Variants in PARG observed in about 807,000 individuals in gnomAD.
PARG encodes poly(ADP-ribose) glycohydrolase.
PARG carries 35 observed loss-of-function variants against 113.0 expected under a neutral mutation model. The ratio of observed to expected loss-of-function variants is 0.31; its 90% CI spans 0.24 to 0.41. The LOEUF is 0.41. Ranked by LOEUF, PARG falls within the 10% of genes least tolerant of loss-of-function variation. PARG has a pLI of 1.00. For missense variants in PARG, 797 were observed against 1,169.4 expected, an observed-to-expected ratio of 0.68 and a Z score of 4.64; for synonymous variants, 330 against 409.9, an observed-to-expected ratio of 0.81 and a Z score of 2.36.
intron 16 of PARG, among the ~76,000 whole-genome samples, chr10:49,830,203 T>C (rs1451265420): frequency 6.6e-6 from 1 of 152,228 alleles, no homozygotes; most frequent in African/African-American, 2.4e-5. Flanking sequence ...CTTTCCAAAC[T>C]GTCTATCACA....
chr10:49,888,633 A>C (rs2941168), intron 7 of PARG, among the ~76,000 whole-genome samples: 1 of 152,104 alleles, frequency 6.6e-6, no homozygotes, highest in Non-Finnish European at 1.5e-5. Context: ...TTCTCTCTTG[A>C]TGCTTTCAAG....
chr10:49,937,788 G>A (rs1406511331), intron 1 of PARG, among the ~76,000 whole-genome samples: 1 of 152,144 alleles, frequency 6.6e-6, no homozygotes, highest in Non-Finnish European at 1.5e-5. Flanking sequence ...TGAAGCCTGG[G>A]GAAGGGATGA....
At chr10:49,936,606 G>C (rs1176727801) in intron 1 of PARG, among the ~76,000 whole-genome samples, 1 of 152,136 alleles carries the variant, frequency 6.6e-6, no homozygotes, top group East Asian at 1.9e-4. Flanking sequence ...GGGATTAAAT[G>C]TACATCATAT....
intron 7 of PARG, among the ~76,000 whole-genome samples, chr10:49,896,215 G>A (rs1459147185): frequency 6.6e-6 from 1 of 152,176 alleles, no homozygotes; most frequent in African/African-American, 2.4e-5. Flanking sequence ...CATGATTTTA[G>A]TAGTAGGTTT....
At position 49,873,578 on chromosome 10, in the gene PARG, C is replaced by A. The variant is rs1382928171; in HGVS notation, c.1989-4023G>T. ...TGAACCTTATCAGTAGAGAGGCTTC[C>A]CTACCTAGAAAATTCCATAGACAGA... On this transcript the variant is annotated intron_variant, in intron 9 of 17. Coordinates refer to ENST00000616448, the MANE Select transcript of PARG (RefSeq NM_003631.5). Among the ~76,000 whole-genome samples the A allele has an allele frequency of 2.8e-5, 4 of 141,818 alleles. No individual in the cohort carries two copies. In the Admixed American group the frequency reaches 2.9e-4, roughly 10 times the overall value. 93.0% of individuals were successfully genotyped at this position (141,818 alleles called of 152,430 possible). A position where few individuals can be genotyped will look rare whatever the true frequency, so the allele number is the denominator to read the frequency against.
At chr10:49,887,028 T>C (rs1352852874) in intron 7 of PARG, among the ~76,000 whole-genome samples, 7 of 151,808 alleles carry the variant, frequency 4.6e-5, no homozygotes, top group African/African-American at 1.2e-4. Flanking sequence ...ATATTCAAAC[T>C]CTTCCTGTTT....
At chr10:49,906,508 T>C (rs1848599483) in intron 7 of PARG, among the ~76,000 whole-genome samples, 1 of 152,146 alleles carries the variant, frequency 6.6e-6, no homozygotes, top group African/African-American at 2.4e-5. Context: ...CTTTCCTAGG[T>C]GCTATGTCAA....
chr10:49,934,088 T>C lies in PARG; in HGVS notation c.360A>G (p.Gln120=). ...MSSVQKDNFY[Q]HNVEKLENVS... ...CATTTTCTAATTTTTCTACATTATG[T>C]TGGTAAAAGTTATCTTTTTGTACAG... The change falls in exon 3 of 18, where the codon CAA becomes CAG. Residue 120 remains glutamine, a synonymous_variant. Coordinates refer to ENST00000616448, the MANE Select transcript of PARG (RefSeq NM_003631.5). 1 of 1,439,076 alleles carries C rather than the reference T, an allele frequency of 6.9e-7. No individual in the cohort carries two copies. Among genetic ancestry groups the C allele is most frequent in the Non-Finnish European group, 9.8e-7 (1 of 1,019,964 alleles). 89.1% of individuals were successfully genotyped at this position (1,439,076 alleles called of 1,614,324 possible).
intron 1 of PARG, among the ~76,000 whole-genome samples, chr10:49,938,990 G>C (rs1300486118): frequency 7.2e-5 from 11 of 152,012 alleles, no homozygotes; most frequent in African/African-American, 2.7e-4. Context: ...GCGAAATACA[G>C]CCCCAAGTAT....
intron 4 of PARG, among the ~76,000 whole-genome samples, chr10:49,924,662 G>A (rs1838062003): frequency 6.6e-6 from 1 of 150,884 alleles, no homozygotes; most frequent in African/African-American, 2.4e-5. Context: ...TCCTCCCTTT[G>A]AAATTTAGAT....
intron 13 of PARG, among the ~76,000 whole-genome samples, chr10:49,845,663 G>T (rs1193794366): frequency 6.6e-6 from 1 of 151,962 alleles, no homozygotes; most frequent in East Asian, 1.9e-4. Flanking sequence ...TTGGGAGGCC[G>T]AGGTGGGGAG....
chr10:49,847,695 AATG>A (rs1554833562), intron 13 of PARG, among the ~76,000 whole-genome samples: 1 of 133,794 alleles, frequency 7.5e-6, no homozygotes, highest in East Asian at 2.2e-4. Context: ...ATTATATTAT[AATG>A]TAGATTAACT....
At chr10:49,851,884 G>C (rs1383888651) in intron 13 of PARG, among the ~76,000 whole-genome samples, 1 of 150,328 alleles carries the variant, frequency 6.7e-6, no homozygotes, top group Non-Finnish European at 1.5e-5. Flanking sequence ...CCCCAGGCAG[G>C]ATCACAACAA....
intron 3 of PARG, among the ~76,000 whole-genome samples, chr10:49,932,513 C>A (rs1468885849): frequency 1.3e-5 from 2 of 152,122 alleles, no homozygotes; most frequent in African/African-American, 2.4e-5. Flanking sequence ...ATGTAAATCA[C>A]CTTCTCAAAA....
chr10:49,933,545 C>T lies in PARG; in HGVS notation c.903G>A (p.Glu301=). Residue 301 remains glutamate (E), a synonymous_variant, in exon 3 of 18, where the codon GAG becomes GAA. Transcript: ENST00000616448. ...SPPFEKESEP[E]SPMDVDNSKN... is the part of the protein sequence containing the mutation. ...TAGAATTATCCACATCCATCGGTGA[C>T]TCGGGTTCACTTTCCTTCTCAAATG... The T allele has an allele frequency of 1.9e-6, 3 of 1,610,304 alleles. No individual in the cohort carries two copies. The highest frequency in any genetic ancestry group is 1.7e-4 in the Middle Eastern group (1 of 6,054).
intron 1 of PARG, among the ~76,000 whole-genome samples, chr10:49,935,387 A>G (rs1838697023): frequency 6.6e-6 from 1 of 152,274 alleles, no homozygotes; most frequent in South Asian, 2.1e-4. Context: ...CTATGGAATC[A>G]GAACATCTGT....
Position 49,932,216 on chromosome 10 carries a change from G to A in PARG, c.1339C>T (p.Leu447Phe). The change falls in exon 4 of 18, where the codon CTT (leucine) becomes TTT (phenylalanine). Residue 447 changes from leucine to phenylalanine, a missense_variant. Leu to Phe is a conservative substitution (Grantham distance 22). Coordinates refer to ENST00000616448, the MANE Select transcript of PARG (RefSeq NM_003631.5). ...RKIPKYVPPH[L>F]SPDKKWLGTP... ...CCAAGCCACTTCTTATCTGGAGAAA[G>A]GTGAGGTGGAACGTATTTAGGGATC... The A allele has an allele frequency of 5.6e-6, 9 of 1,600,064 alleles. No homozygotes were observed. The highest frequency in any genetic ancestry group is 7.7e-6 in the Non-Finnish European group (9 of 1,167,124).
At chr10:49,866,269 G>C (rs1484290437) in intron 10 of PARG, among the ~76,000 whole-genome samples, 1 of 151,936 alleles carries the variant, frequency 6.6e-6, no homozygotes, top group Non-Finnish European at 1.5e-5. Context: ...AGCTCTTAAG[G>C]AAAGAGAGAG....
chr10:49,890,105 ACTT>A (rs1232701609), intron 7 of PARG, among the ~76,000 whole-genome samples: 9 of 152,220 alleles, frequency 5.9e-5, no homozygotes, highest in African/African-American at 2.2e-4. Context: ...AACATGTATT[ACTT>A]ATTATGATGA....
Sources: allele counts gnomAD v4.1 joint callset (sites outside exome capture counted in the v4.1 genomes callset), GRCh38; gene constraint gnomAD v4.1.1; transcripts MANE v1.5; gene names NCBI Gene and HGNC (gene_info 2026-07-23, HGNC 2026-07-21).